CHIC2: variants seen among roughly 807,000 people sequenced by gnomAD.
CHIC2 encodes the protein cysteine-rich hydrophobic domain-containing protein 2.
In CHIC2, 14 loss-of-function variants were observed where a neutral mutation model predicts 25.9. The ratio of observed to expected loss-of-function variants is 0.54; its 90% CI spans 0.36 to 0.85. The LOEUF is 0.85. CHIC2 is among the 40% of genes least tolerant of loss of function. The pLI, the probability that CHIC2 is intolerant of heterozygous loss-of-function variation, is 0.01. For synonymous variants in CHIC2, 70 were observed against 72.0 expected, an observed-to-expected ratio of 0.97 and a Z score of 0.14; for missense variants, 146 against 202.0, an observed-to-expected ratio of 0.72 and a Z score of 1.68.
the CHIC2 span, among the ~76,000 whole-genome samples, chr4:54,075,601 T>C: frequency 6.6e-6 from 1 of 152,244 alleles, no homozygotes; most frequent in Non-Finnish European, 1.5e-5. Context: ...TTACCCAAAC[T>C]GGAATGCAGT....
chr4:54,046,739 G>A (rs964217218), intron 3 of CHIC2, among the ~76,000 whole-genome samples: 29 of 152,280 alleles, frequency 1.9e-4, no homozygotes, highest in African/African-American at 5.8e-4. Context: ...ATAGGCATGG[G>A]CAAGGACTTC....
chr4:54,084,896 G>A, the CHIC2 span, among the ~76,000 whole-genome samples: 1 of 146,074 alleles, frequency 6.8e-6, no homozygotes, highest in Non-Finnish European at 1.5e-5. Context: ...GGAGGCGAAG[G>A]TTGCAATGAG....
At chr4:54,084,558 C>T in the CHIC2 span, among the ~76,000 whole-genome samples, 17,725 of 151,686 alleles carry the variant, frequency 0.12, 1,119 homozygotes, top group Non-Finnish European at 0.15. Context: ...TTAACTTTGG[C>T]TACCAATGCA....
At chr4:54,058,551 C>CACACACAT (rs1553887451) in intron 1 of CHIC2, among the ~76,000 whole-genome samples, 39 of 114,888 alleles carry the variant, frequency 3.4e-4, no homozygotes, top group African/African-American at 9.5e-5. Context: ...TACACACATA[C>CACACACAT]ACACACATAC....
intron 3 of CHIC2, among the ~76,000 whole-genome samples, chr4:54,047,355 G>C (rs1051353131): frequency 2.0e-5 from 3 of 151,992 alleles, no homozygotes; most frequent in African/African-American, 7.3e-5. Flanking sequence ...CACACGTATG[G>C]TTATTGCAGC....
intron 3 of CHIC2, among the ~76,000 whole-genome samples, chr4:54,038,275 T>C (rs1050623044): frequency 6.6e-6 from 1 of 152,190 alleles, no homozygotes; most frequent in South Asian, 2.1e-4. Flanking sequence ...TTTGGCAAGG[T>C]TGAAGGACAT....
chr4:54,024,484 C>A (rs1286519486), intron 3 of CHIC2, among the ~76,000 whole-genome samples: 1 of 152,162 alleles, frequency 6.6e-6, no homozygotes, highest in Non-Finnish European at 1.5e-5. Context: ...CACTATCAAT[C>A]GCACTCACTC....
chr4:54,035,733 T>C (rs1716364402), intron 3 of CHIC2, among the ~76,000 whole-genome samples: 1 of 152,162 alleles, frequency 6.6e-6, no homozygotes, highest in Non-Finnish European at 1.5e-5. Flanking sequence ...CATTATTTTT[T>C]TCCCCCTCCT....
the CHIC2 span, among the ~76,000 whole-genome samples, chr4:54,079,545 A>G: frequency 6.6e-6 from 1 of 152,214 alleles, no homozygotes; most frequent in East Asian, 1.9e-4. Context: ...TTTAATATAG[A>G]AAAAGAAGTC....
the CHIC2 span, among the ~76,000 whole-genome samples, chr4:54,072,535 A>G: frequency 6.6e-6 from 1 of 152,172 alleles, no homozygotes; most frequent in African/African-American, 2.4e-5. Flanking sequence ...GAACAACTAC[A>G]ATAATTGTAT....
chr4:54,040,834 T>C (rs1472551433), intron 3 of CHIC2, among the ~76,000 whole-genome samples: 1 of 150,188 alleles, frequency 6.7e-6, no homozygotes, highest in African/African-American at 2.5e-5. Context: ...GTAGAGATCA[T>C]GCCATTGCAC....
At chr4:54,079,399 A>G in the CHIC2 span, among the ~76,000 whole-genome samples, 66 of 152,298 alleles carry the variant, frequency 4.3e-4, no homozygotes, top group Admixed American at 3.9e-3. Context: ...GGCAATAGAA[A>G]CAAAAATAAA....
the CHIC2 span, among the ~76,000 whole-genome samples, chr4:54,083,169 C>T: frequency 6.2e-3 from 938 of 151,798 alleles, 16 homozygotes; most frequent in African/African-American, 0.021. Flanking sequence ...GGATGTGCCA[C>T]CTCACCCAGC....
At chr4:54,040,424 G>A (rs947798272) in intron 3 of CHIC2, among the ~76,000 whole-genome samples, 13 of 151,922 alleles carry the variant, frequency 8.6e-5, no homozygotes, top group African/African-American at 2.7e-4. Context: ...AAAATTAGCC[G>A]AGCACGGTGG....
At chr4:54,085,969 A>T in the CHIC2 span, among the ~76,000 whole-genome samples, 1 of 152,068 alleles carries the variant, frequency 6.6e-6, no homozygotes, top group Non-Finnish European at 1.5e-5. Flanking sequence ...AAAAAGTCCT[A>T]TCTAGCTTAA....
At chr4:54,075,988 G>A in the CHIC2 span, among the ~76,000 whole-genome samples, 10 of 152,086 alleles carry the variant, frequency 6.6e-5, no homozygotes, top group African/African-American at 2.4e-4. Flanking sequence ...GAAAACTTAA[G>A]TTAAATGACT....
the CHIC2 span, among the ~76,000 whole-genome samples, chr4:54,073,831 A>G: frequency 1.2e-4 from 18 of 152,322 alleles, no homozygotes; most frequent in African/African-American, 4.1e-4. Context: ...AGAAAGACAA[A>G]GAAAAATAGA....
chr4:54,075,177 G>A, the CHIC2 span, among the ~76,000 whole-genome samples: 1 of 152,146 alleles, frequency 6.6e-6, no homozygotes, highest in East Asian at 1.9e-4. Context: ...TCAATATCCA[G>A]GGTATAACCT....
the CHIC2 span, among the ~76,000 whole-genome samples, chr4:54,071,247 C>G: frequency 6.6e-6 from 1 of 152,152 alleles, no homozygotes; most frequent in African/African-American, 2.4e-5. Context: ...TTCCAATGAG[C>G]TTTTCCTTTG....
Sources: gnomAD v4.1 joint callset for allele counts (sites outside exome capture counted in the v4.1 genomes callset) on GRCh38, gnomAD v4.1.1 for gene constraint, MANE v1.5 for transcripts, NCBI Gene and HGNC (gene_info 2026-07-23, HGNC 2026-07-21) for gene names.